TMPRSS15: variants seen among roughly 807,000 people sequenced by gnomAD.
TMPRSS15 encodes the protein transmembrane serine protease 15, also known as enteropeptidase.
Under a neutral mutation model 125.3 loss-of-function variants are expected in TMPRSS15, and 128 were observed. That is an observed-to-expected ratio of 1.02 (90% CI 0.89 to 1.18). The LOEUF is 1.18. Among genes scored for constraint, TMPRSS15 ranks in the 50% most tolerant of loss-of-function variants. The probability of loss-of-function intolerance (pLI) is 0.00; values close to 1 mark genes in which losing one functional copy is unlikely to be tolerated. For missense variants in TMPRSS15, 1,283 were observed against 1,212.7 expected (o/e 1.06, Z -0.86); for synonymous variants, 446 against 423.2 (o/e 1.05, Z -0.66).
chr21:18,334,070 C>T (rs1027876185), intron 13 of TMPRSS15, among the ~76,000 whole-genome samples: 19 of 152,178 alleles, frequency 1.2e-4, no homozygotes, highest in African/African-American at 4.6e-4. Context: ...AATTAAGTGT[C>T]TCTACATCTA....
At chr21:18,325,496 C>A (rs556736751) in intron 16 of TMPRSS15, among the ~76,000 whole-genome samples, 4 of 152,042 alleles carry the variant, frequency 2.6e-5, no homozygotes, top group African/African-American at 9.6e-5. Flanking sequence ...TAAACATAAC[C>A]TAATAGTAAC....
chr21:18,327,775 G>A (rs2075307311), intron 15 of TMPRSS15, among the ~76,000 whole-genome samples: 1 of 152,144 alleles, frequency 6.6e-6, no homozygotes, highest in Admixed American at 6.6e-5. Context: ...GTTGTGCCAT[G>A]TCATTCATCA....
chr21:18,286,473 G>A (rs377550743), intron 21 of TMPRSS15, among the ~76,000 whole-genome samples: 41 of 152,132 alleles, frequency 2.7e-4, no homozygotes, highest in African/African-American at 8.0e-4. Context: ...ATAAAAATCA[G>A]AACTCTCACT....
At chr21:18,385,307 A>G (rs2075933335) in intron 3 of TMPRSS15, among the ~76,000 whole-genome samples, 1 of 152,110 alleles carries the variant, frequency 6.6e-6, no homozygotes, top group Admixed American at 6.6e-5. Context: ...ACTACCTTTC[A>G]TCTACTTTTC....
chr21:18,416,986 G>C (rs1257868104), intron 1 of TMPRSS15, among the ~76,000 whole-genome samples: 2 of 151,964 alleles, frequency 1.3e-5, no homozygotes, highest in East Asian at 3.9e-4. Context: ...AATTAAGCAC[G>C]TCAACTTACA....
intron 16 of TMPRSS15, among the ~76,000 whole-genome samples, chr21:18,320,774 G>A (rs1381466913): frequency 6.6e-6 from 1 of 152,082 alleles, no homozygotes; most frequent in Admixed American, 6.6e-5. Flanking sequence ...CGCATAAACT[G>A]GATTCTGATT....
intron 1 of TMPRSS15, among the ~76,000 whole-genome samples, chr21:18,431,077 C>A (rs534785798): frequency 5.9e-5 from 9 of 152,198 alleles, no homozygotes; most frequent in African/African-American, 2.2e-4. Context: ...TTGTTATTAG[C>A]AAATTAGCAA....
intron 6 of TMPRSS15, among the ~76,000 whole-genome samples, chr21:18,367,944 C>T (rs2075754265): frequency 6.6e-6 from 1 of 152,022 alleles, no homozygotes; most frequent in Admixed American, 6.5e-5. Flanking sequence ...AATGACATCA[C>T]CCACTCTTTG....
At chr21:18,280,582 A>AAAAAAAAAAC (rs1555890664) in intron 22 of TMPRSS15, among the ~76,000 whole-genome samples, 2,649 of 138,516 alleles carry the variant, frequency 0.019, 203 homozygotes, top group African/African-American at 0.084. Context: ...TCTCAAAAAA[A>AAAAAAAAAAC]AAAAAAAAAA....
At chr21:18,407,425 C>A (rs980070750), upstream of TMPRSS15, among the ~76,000 whole-genome samples, 5 of 143,710 alleles carry the variant, frequency 3.5e-5, no homozygotes, top group South Asian at 9.2e-4. Flanking sequence ...ATGTGCTAAA[C>A]TTTCTTTTTC....
chr21:18,303,824 C>A (rs1339521452), intron 18 of TMPRSS15, among the ~76,000 whole-genome samples: 1 of 152,150 alleles, frequency 6.6e-6, no homozygotes, highest in Non-Finnish European at 1.5e-5. Flanking sequence ...AACAAAGAAT[C>A]TCTTTGGTGA....
At chr21:18,386,698 G>A (rs1337094490) in intron 3 of TMPRSS15, among the ~76,000 whole-genome samples, 1 of 152,048 alleles carries the variant, frequency 6.6e-6, no homozygotes, top group African/African-American at 2.4e-5. Flanking sequence ...AAGTGAGAGT[G>A]AACAATATTA....
chr21:18,272,283 T>C (rs999156021), intron 24 of TMPRSS15, among the ~76,000 whole-genome samples: 3 of 152,186 alleles, frequency 2.0e-5, no homozygotes, highest in Non-Finnish European at 4.4e-5. Context: ...TGGTATCTCA[T>C]TGTGGTTTTG....
chr21:18,328,949 T>C (rs1298351172), intron 15 of TMPRSS15, among the ~76,000 whole-genome samples: 1 of 152,154 alleles, frequency 6.6e-6, no homozygotes, highest in Non-Finnish European at 1.5e-5. Context: ...GTAAAAATAA[T>C]TAGTCCTGCT....
rs1053217626 is a variant in TMPRSS15, at chr21:18,364,623, G to T, written c.773+517C>A. Among the ~76,000 whole-genome samples, 7 of 152,180 alleles carry T rather than the reference G, an allele frequency of 4.6e-5. No individual in the cohort carries two copies. The East Asian group carries it at 7.7e-4, about 17-fold the overall frequency. ...ATCTTCATGATTGGGTTGGTTAATTGAATTAAGAATGTGGAGGTGAAATAC... is the reference window on the plus strand; with the variant it reads ...ATCTTCATGATTGGGTTGGTTAATTTAATTAAGAATGTGGAGGTGAAATAC... On this transcript the variant is annotated intron_variant, in intron 7 of 24. Transcript: ENST00000284885.
intron 1 of TMPRSS15, among the ~76,000 whole-genome samples, chr21:18,449,956 C>A (rs2076264178): frequency 2.6e-5 from 4 of 151,584 alleles, no homozygotes; most frequent in Admixed American, 2.6e-4. Flanking sequence ...AAAGAAGATA[C>A]AAAGAAAATA....
At chr21:18,380,452 T>C (rs1382581492) in intron 4 of TMPRSS15, 2 of 432,094 alleles carry the variant, frequency 4.6e-6, no homozygotes, top group Non-Finnish European at 9.8e-6. Flanking sequence ...GCCTCAGAAA[T>C]AGCTGCAAGA....
intron 1 of TMPRSS15, among the ~76,000 whole-genome samples, chr21:18,482,535 C>T (rs1979001230): frequency 6.6e-6 from 1 of 151,450 alleles, no homozygotes; most frequent in African/African-American, 2.4e-5. Flanking sequence ...AACAAAATAC[C>T]ACATGCACCC....
chr21:18,359,988 A>G, intron 7 of TMPRSS15, 125 bp from the exon 8 acceptor site: 2 of 577,584 alleles, frequency 3.5e-6, no homozygotes, highest in South Asian at 1.8e-5. Context: ...ACTCTCTTAA[A>G]TTTTTAAGTG....
Sources: allele counts gnomAD v4.1 joint callset (sites outside exome capture counted in the v4.1 genomes callset), GRCh38; gene constraint gnomAD v4.1.1; transcripts MANE v1.5; gene names NCBI Gene and HGNC (gene_info 2026-07-23, HGNC 2026-07-21).